Variants in MAP4K3 observed in about 807,000 individuals in gnomAD.
The protein encoded by MAP4K3 is MAPK/ERK kinase kinase kinase 3.
A neutral mutation model predicts 143.5 loss-of-function variants in MAP4K3; 94 were observed. The observed-to-expected ratio is 0.65, with a 90% CI of 0.55 to 0.78. The LOEUF is 0.78. Ranked by LOEUF, MAP4K3 falls within the 30% of genes least tolerant of loss-of-function variation. MAP4K3 has a pLI of 0.00. For synonymous variants in MAP4K3, 416 were observed against 347.2 expected, an observed-to-expected ratio of 1.20 and a Z score of -2.20; for missense variants, 1,077 against 1,068.1, an observed-to-expected ratio of 1.01 and a Z score of -0.12.
In MAP4K3 at chr2:39,279,901, C is replaced by T. The variant is rs575136624; in HGVS notation, c.1714+371G>A. On this transcript the variant is annotated intron_variant, in intron 23 of 33. Coordinates refer to ENST00000263881, the MANE Select transcript of MAP4K3 (RefSeq NM_003618.4). ...CCAGAAGTTTGAGGTTATAGTGAGC[C>T]ATGATCATGCCACTGTACTCTAGCC... Among the ~76,000 whole-genome samples, 14 of 152,198 alleles carry T rather than the reference C, an allele frequency of 9.2e-5. No homozygotes were observed. In the East Asian group the frequency reaches 1.3e-3, roughly 15 times the overall value.
rs778378879 is a variant in MAP4K3 at position 39,315,397 on chromosome 2, G to A, written c.919-9C>T. 4.4e-6 allele frequency: 7 copies of A among 1,585,980 alleles called. No individual in the cohort carries two copies. In the East Asian group the frequency reaches 1.1e-4, roughly 25 times the overall value. The stretch of plus-strand genomic sequence containing the variant: ...GGTACAGCAACAAGAGGCTAGAAAA[G>A]AACAAAATCAATGATATGCAGCATT... On this transcript the variant is annotated splice_polypyrimidine_tract_variant and intron_variant, in intron 12 of 33. Transcript: ENST00000263881.
chr2:39,427,218 C>A (rs767537452), intron 1 of MAP4K3, among the ~76,000 whole-genome samples: 10 of 151,892 alleles, frequency 6.6e-5, no homozygotes, highest in Non-Finnish European at 1.3e-4. Context: ...GTTCTATACC[C>A]CACTAAACTA....
chr2:39,348,486 T>C (rs147000373), intron 3 of MAP4K3, among the ~76,000 whole-genome samples: 2 of 152,306 alleles, frequency 1.3e-5, no homozygotes, highest in Non-Finnish European at 2.9e-5. Flanking sequence ...GACTTTCATC[T>C]GTCCCATGAA....
At chr2:39,393,552 C>T (rs926455300) in intron 1 of MAP4K3, among the ~76,000 whole-genome samples, 1 of 151,882 alleles carries the variant, frequency 6.6e-6, no homozygotes, top group Admixed American at 6.6e-5. Context: ...ATATTTTTTG[C>T]GCAGGGCCCA....
chr2:39,319,426 T>C (rs997137662), intron 12 of MAP4K3, among the ~76,000 whole-genome samples: 1 of 152,178 alleles, frequency 6.6e-6, no homozygotes, highest in African/African-American at 2.4e-5. Context: ...AAAACCCATG[T>C]ATACGGAGGA....
At position 39,326,229 on chromosome 2, in the gene MAP4K3, T is replaced by A. The variant is rs779806326; in HGVS notation, c.579A>T (p.Gln193His). ...AAVERKGGYN[Q>H]LCDLWAVGIT... is the part of the protein sequence containing the mutation. ...TTCCCACTGCCCAGAGATCACAGAGTTGATTGTAACCCCCCTTCCTCTCAA... is the reference window on the plus strand; with the variant it reads ...TTCCCACTGCCCAGAGATCACAGAGATGATTGTAACCCCCCTTCCTCTCAA... The change falls in exon 9 of 34, where the codon CAA (glutamine) becomes CAT (histidine). Residue 193 changes from glutamine (Q) to histidine (H), a missense_variant. Around this residue, in one of 2 missense-constraint regions of MAP4K3, gnomAD observed 213 missense variants for 266.8 expected, o/e 0.80. Transcript: ENST00000263881. 2 of 1,613,748 alleles carry A rather than the reference T, an allele frequency of 1.2e-6. No individual in the cohort carries two copies. Among genetic ancestry groups the A allele is most frequent in the East Asian group, 4.5e-5 (2 of 44,864 alleles).
intron 3 of MAP4K3, among the ~76,000 whole-genome samples, chr2:39,352,061 G>C (rs894158620): frequency 4.6e-5 from 7 of 152,140 alleles, no homozygotes; most frequent in African/African-American, 1.7e-4. Context: ...TGTTGGCCAG[G>C]CGTGGTGGCT....
intron 2 of MAP4K3, among the ~76,000 whole-genome samples, chr2:39,373,385 T>G (rs1056514065): frequency 1.3e-5 from 2 of 152,180 alleles, no homozygotes; most frequent in Non-Finnish European, 2.9e-5. Flanking sequence ...TGGAGGTTCC[T>G]CGAAAAACTA....
intron 12 of MAP4K3, among the ~76,000 whole-genome samples, chr2:39,321,541 G>GTT (rs1170847613): frequency 6.6e-6 from 1 of 152,116 alleles, no homozygotes; most frequent in African/African-American, 2.4e-5. Context: ...GGCCTCGTGG[G>GTT]AAGGGGAAGA....
At chr2:39,347,697 AT>A (rs1179528439) in intron 3 of MAP4K3, among the ~76,000 whole-genome samples, 1 of 152,092 alleles carries the variant, frequency 6.6e-6, no homozygotes, top group Non-Finnish European at 1.5e-5. Context: ...GTCATCTTAA[AT>A]TGCTCCTGGA....
At chr2:39,277,134 A>G (rs548514186) in intron 24 of MAP4K3, among the ~76,000 whole-genome samples, 2 of 152,322 alleles carry the variant, frequency 1.3e-5, no homozygotes, top group South Asian at 2.1e-4. Context: ...CTGCAAACAG[A>G]TATTTCTAAA....
intron 1 of MAP4K3, among the ~76,000 whole-genome samples, chr2:39,433,318 T>C (rs1467908480): frequency 1.3e-5 from 2 of 152,172 alleles, no homozygotes; most frequent in African/African-American, 2.4e-5. Flanking sequence ...AGAAACCATA[T>C]TGAGACTATT....
intron 1 of MAP4K3, among the ~76,000 whole-genome samples, chr2:39,402,424 G>A (rs1205260345): frequency 6.6e-6 from 1 of 152,028 alleles, no homozygotes; most frequent in African/African-American, 2.4e-5. Context: ...CAAGAGAAAT[G>A]AGCAGAAAGC....
chr2:39,364,807 G>C (rs1318064441), intron 2 of MAP4K3, among the ~76,000 whole-genome samples: 2 of 149,748 alleles, frequency 1.3e-5, no homozygotes, highest in Non-Finnish European at 3.0e-5. Context: ...GGCAGAGCTT[G>C]CAGTGAGCCA....
intron 33 of MAP4K3, 53 bp from the exon 34 acceptor site, chr2:39,250,758 G>A (rs1680124720): frequency 6.9e-7 from 1 of 1,456,294 alleles, no homozygotes; most frequent in Non-Finnish European, 9.6e-7. Context: ...GAAAATTAAT[G>A]TTAGCTCCCA....
At chr2:39,376,709 G>A (rs571256540) in intron 2 of MAP4K3, among the ~76,000 whole-genome samples, 3 of 152,190 alleles carry the variant, frequency 2.0e-5, no homozygotes, top group South Asian at 2.1e-4. Context: ...TTAGACCCAG[G>A]GTCAAGCAAG....
Position 39,251,876 on chromosome 2 carries a change from C to T in MAP4K3, c.2551G>A (p.Glu851Lys). 1 of 1,612,914 alleles carries T rather than the reference C, an allele frequency of 6.2e-7. No individual in the cohort carries two copies. The highest frequency in any genetic ancestry group is 8.5e-7 in the Non-Finnish European group (1 of 1,179,330). ...RSFRSNEVTQ[E>K]ISDSTRIFRL... is the part of the protein sequence containing the mutation. ...AAAATTCTTGTGCTATCTGAAATTT[C>T]TTGTGTTACCTGTTCAATTAAAACA... The change falls in exon 33 of 34, where the codon GAA becomes AAA. Residue 851 changes from glutamate (E) to lysine (K), a missense_variant. Glu to Lys is a moderately conservative substitution (Grantham distance 56). This residue lies in a region of MAP4K3 where 864 missense variants were observed against 801.2 expected (regional missense o/e 1.08). Coordinates refer to ENST00000263881, the MANE Select transcript of MAP4K3 (RefSeq NM_003618.4).
intron 31 of MAP4K3, among the ~76,000 whole-genome samples, chr2:39,254,876 G>A (rs1162768991): frequency 1.3e-5 from 2 of 151,962 alleles, no homozygotes; most frequent in African/African-American, 4.8e-5. Flanking sequence ...CACTGTGTTC[G>A]GCCTGTTTTG....
intron 2 of MAP4K3, among the ~76,000 whole-genome samples, chr2:39,370,403 G>C (rs1310661405): frequency 1.3e-5 from 2 of 152,116 alleles, no homozygotes; most frequent in Non-Finnish European, 2.9e-5. Flanking sequence ...AAGGGAGATG[G>C]GAAAAGGCAC....
Sources: gnomAD v4.1 joint callset for allele counts (sites outside exome capture counted in the v4.1 genomes callset) on GRCh38, gnomAD v4.1.1 for gene constraint, gnomAD v4.1.1 regional missense constraint, MANE v1.5 for transcripts, NCBI Gene and HGNC (gene_info 2026-07-23, HGNC 2026-07-21) for gene names.